Variants in CEP295 observed in about 807,000 individuals in gnomAD.
CEP295 encodes the protein centrosomal protein 295.
Under a neutral mutation model 291.6 loss-of-function variants are expected in CEP295, and 190 were observed. The ratio of observed to expected loss-of-function variants is 0.65; its 90% CI spans 0.58 to 0.73. The LOEUF is 0.73. Ranked by LOEUF, CEP295 falls within the 30% of genes least tolerant of loss-of-function variation. The pLI is 0.00. For synonymous variants in CEP295, 993 were observed against 1,038.8 expected (o/e 0.96, Z 0.85); for missense variants, 2,863 against 2,949.4 (o/e 0.97, Z 0.68).
intron 9 of CEP295, among the ~76,000 whole-genome samples, chr11:93,684,334 C>T (rs1306103164): frequency 6.6e-6 from 1 of 152,110 alleles, no homozygotes; most frequent in Admixed American, 6.5e-5. Context: ...TTTATTCAGA[C>T]GTACAGATGA....
intron 18 of CEP295, among the ~76,000 whole-genome samples, chr11:93,708,018 CAG>C (rs1007907139): frequency 7.2e-5 from 11 of 152,026 alleles, no homozygotes; most frequent in East Asian, 1.9e-4. Context: ...TAAAATAAAA[CAG>C]ATTATTCTTT....
intron 9 of CEP295, 139 bp from the exon 10 acceptor site, chr11:93,687,505 C>A: frequency 1.8e-6 from 1 of 570,000 alleles, no homozygotes; most frequent in Admixed American, 3.2e-5. Flanking sequence ...GTTGTATATA[C>A]TGTTAAATCG....
chr11:93,679,394 T>A lies in CEP295; in HGVS notation c.625-18T>A. The A allele has an allele frequency of 6.5e-7, 1 of 1,533,420 alleles. No individual in the cohort carries two copies. Among genetic ancestry groups the A allele is most frequent in the Non-Finnish European group, 8.8e-7 (1 of 1,140,208 alleles). 95.0% of individuals were successfully genotyped at this position (1,533,420 alleles called of 1,614,324 possible). ...CACACTTTAAAAATTTTGCCTACAA[T>A]TTTTGATTGACTGCTAGCCAGATGC... On this transcript the variant is annotated intron_variant, in intron 6 of 29. Coordinates refer to ENST00000325212, the MANE Select transcript of CEP295 (RefSeq NM_033395.2).
chr11:93,729,402 AAG>A, intron 25 of CEP295, 30 bp from the exon 26 acceptor site: 1 of 1,449,682 alleles, frequency 6.9e-7, no homozygotes, highest in Non-Finnish European at 9.5e-7. Context: ...AGCGTTTAAA[AAG>A]AGTAAAACAT....
Position 93,687,769 on chromosome 11 carries a change from A to G in CEP295, c.1240A>G (p.Ile414Val). 6.4e-7 allele frequency: 1 copy of G among 1,551,338 alleles called. No homozygotes were observed. Among genetic ancestry groups the G allele is most frequent in the Non-Finnish European group, 8.7e-7 (1 of 1,146,694 alleles). The change falls in exon 10 of 30, where the codon ATT becomes GTT. Residue 414 changes from isoleucine to valine, a missense_variant. Ile to Val is a conservative substitution (Grantham distance 29, BLOSUM62 3). Around this residue, in one of 3 missense-constraint regions of CEP295, gnomAD observed 554 missense variants for 576.0 expected, o/e 0.96. Transcript: ENST00000325212. Reference protein sequence around the residue: ...KSMSEDESEMITTVSEIESKA... With the variant: ...KSMSEDESEMVTTVSEIESKA... ...TATGTCTGAGGATGAAAGTGAAATGATTACGACTGTTAGTGAAATTGAGAG... is the reference window on the plus strand; with the variant it reads ...TATGTCTGAGGATGAAAGTGAAATGGTTACGACTGTTAGTGAAATTGAGAG...
rs1938178659 is a variant in CEP295 at position 93,729,941 on chromosome 11, C to A, written c.7639C>A (p.Gln2547Lys). The change falls in exon 28 of 30, where the codon CAG becomes AAG. Residue 2547 changes from glutamine (Q) to lysine (K), a missense_variant. By Grantham distance (53) the Gln-to-Lys change is moderately conservative (BLOSUM62 1). Coordinates refer to ENST00000325212, the MANE Select transcript of CEP295 (RefSeq NM_033395.2). ...TTTTCCTGAAGACAGAAAGACTACACAGGCTCTAAGGCACCAAAGGGGTCT... is the reference window on the plus strand; with the variant it reads ...TTTTCCTGAAGACAGAAAGACTACAAAGGCTCTAAGGCACCAAAGGGGTCT... Reference protein sequence around the residue: ...ASFPEDRKTTQALRHQRGLRL... With the variant: ...ASFPEDRKTTKALRHQRGLRL... The A allele has an allele frequency of 6.5e-7, 1 of 1,548,138 alleles. No homozygotes were observed. Among genetic ancestry groups the A allele is most frequent in the Non-Finnish European group, 8.7e-7 (1 of 1,146,154 alleles).
In CEP295 at chr11:93,675,600, CA is replaced by C; in HGVS notation, c.562del (p.Thr188ProfsTer13). On this transcript the variant is annotated frameshift_variant, in exon 6 of 30. Transcript: ENST00000325212. LOFTEE classifies it high-confidence loss of function. ...NIEVKRISAVKTNSSTYHHLH... is the reference protein window; with the variant it reads ...NIEVKRISAVXTNSSTYHHLH... ...TCGAAGTAAAAAGAATTTCTGCAGT[CA>C]AAACCAATAGTTCTACCTACCATCA... The C allele has an allele frequency of 1.3e-6, 2 of 1,508,350 alleles. No individual in the cohort carries two copies. Among genetic ancestry groups the C allele is most frequent in the Admixed American group, 2.5e-5 (1 of 40,142 alleles). The allele number at this position is 1,508,350 out of a possible 1,614,324, so 93.4% of individuals were successfully genotyped here.
At chr11:93,703,780 T>G (rs1952335094) in intron 17 of CEP295, among the ~76,000 whole-genome samples, 1 of 149,362 alleles carries the variant, frequency 6.7e-6, no homozygotes, top group Non-Finnish European at 1.5e-5. Flanking sequence ...TTTTTTTTTT[T>G]TTTTTTGAGA....
intron 18 of CEP295, among the ~76,000 whole-genome samples, chr11:93,720,498 TA>T (rs1292545646): frequency 5.2e-5 from 7 of 133,796 alleles, no homozygotes; most frequent in African/African-American, 1.6e-4. Context: ...AAACTGTCTC[TA>T]AAAAAATGAA....
At chr11:93,680,253 G>A (rs182522680) in intron 7 of CEP295, among the ~76,000 whole-genome samples, 2 of 152,300 alleles carry the variant, frequency 1.3e-5, no homozygotes, top group Admixed American at 1.3e-4. Context: ...CTGCACGCCA[G>A]CCTGGGCCAC....
At chr11:93,695,425 A>C in intron 12 of CEP295, 72 bp from the exon 13 acceptor site, 2 of 1,042,030 alleles carry the variant, frequency 1.9e-6, no homozygotes, top group Non-Finnish European at 2.6e-6. Context: ...AATTTCTTTT[A>C]AATGGAACGT....
intron 1 of CEP295, among the ~76,000 whole-genome samples, chr11:93,665,851 A>G (rs1950186086): frequency 6.6e-6 from 1 of 152,244 alleles, no homozygotes; most frequent in Non-Finnish European, 1.5e-5. Flanking sequence ...TCATGAGGTA[A>G]CAATGACACT....
At chr11:93,686,317 C>T in intron 9 of CEP295, among the ~76,000 whole-genome samples, 1 of 2,296 alleles carries the variant, frequency 4.4e-4, no homozygotes, top group East Asian at 0.011. Context: ...GAAACTCCAT[C>T]TTAAAAAAAA....
intron 23 of CEP295, 94 bp from the exon 24 acceptor site, chr11:93,726,882 C>T: frequency 1.1e-6 from 1 of 950,286 alleles, no homozygotes; most frequent in Non-Finnish European, 1.5e-6. Context: ...TTGTAGGTTA[C>T]TTGCAATTGG....
intron 19 of CEP295, 71 bp downstream of exon 19, chr11:93,721,483 C>T (rs1953708060): frequency 1.0e-6 from 1 of 969,284 alleles, no homozygotes; most frequent in Admixed American, 1.7e-5. Flanking sequence ...GTTTAGTTTA[C>T]AGAAGCTATG....
At chr11:93,664,465 A>T (rs1271249804) in intron 1 of CEP295, among the ~76,000 whole-genome samples, 1 of 152,242 alleles carries the variant, frequency 6.6e-6, no homozygotes, top group Non-Finnish European at 1.5e-5. Flanking sequence ...AGTTACCATT[A>T]CCAAAGCCGT....
At position 93,697,826 on chromosome 11, in the gene CEP295, G is replaced by A. The variant is rs1262435201; in HGVS notation, c.2914G>A (p.Glu972Lys). ...CCTTCAGGCTAGGCGAGAAGCCCAG[G>A]AAGTATTGTATGTACATAAACAGAG... ...DSLQARREAQ[E>K]VLYVHKQSEL... is the part of the protein sequence containing the mutation. The change falls in exon 15 of 30, where the codon GAA becomes AAA. Residue 972 changes from glutamate (E) to lysine (K), a missense_variant. By Grantham distance (56) the Glu-to-Lys change is moderately conservative. Coordinates refer to ENST00000325212, the MANE Select transcript of CEP295 (RefSeq NM_033395.2). 2 of 1,551,704 alleles carry A rather than the reference G, an allele frequency of 1.3e-6. No homozygotes were observed. The highest frequency in any genetic ancestry group is 4.9e-5 in the East Asian group (2 of 40,918).
intron 17 of CEP295, among the ~76,000 whole-genome samples, chr11:93,706,532 C>T (rs1952522342): frequency 6.6e-6 from 1 of 152,110 alleles, no homozygotes. Context: ...AATACTGAGG[C>T]ATAATCTGAT....
Position 93,697,282 on chromosome 11 carries a change from A to G in CEP295, c.2370A>G (p.Val790=), listed in dbSNP as rs1565180004. Residue 790 remains valine (V), a synonymous_variant, in exon 15 of 30, where the codon GTA becomes GTG. Coordinates refer to ENST00000325212, the MANE Select transcript of CEP295 (RefSeq NM_033395.2). ...AACCTTCTTCATTTGTACCACTGGT[A>G]CCTCAGCATTCTTTTAGTTCTCTGC... is the stretch of plus-strand genomic sequence containing the variant. ...LTEPSSFVPL[V]PQHSFSSLPV... 2.6e-6 allele frequency: 4 copies of G among 1,551,778 alleles called. No homozygotes were observed. The highest frequency in any genetic ancestry group is 2.6e-6 in the Non-Finnish European group (3 of 1,147,018).
Sources: gnomAD v4.1 joint callset for allele counts (sites outside exome capture counted in the v4.1 genomes callset) on GRCh38, gnomAD v4.1.1 for gene constraint, gnomAD v4.1.1 regional missense constraint, MANE v1.5 for transcripts, NCBI Gene and HGNC (gene_info 2026-07-23, HGNC 2026-07-21) for gene names.